Variants in KDELR2 observed in about 807,000 individuals in gnomAD.
KDELR2 encodes KDEL endoplasmic reticulum protein retention receptor 2, also known as ER lumen protein-retaining receptor 2.
Under a neutral mutation model 23.9 loss-of-function variants are expected in KDELR2, and 15 were observed. The ratio of observed to expected loss-of-function variants is 0.63; its 90% CI spans 0.42 to 0.97. KDELR2 has a LOEUF of 0.97. KDELR2 is among the 50% of genes least tolerant of loss of function. KDELR2 has a pLI of 0.00. For synonymous variants in KDELR2, 119 were observed against 106.2 expected (o/e 1.12, Z -0.74); for missense variants, 272 against 254.6 (o/e 1.07, Z -0.46).
At chr7:6,464,337 G>A (rs1437547668) in intron 4 of KDELR2, among the ~76,000 whole-genome samples, 2 of 147,914 alleles carry the variant, frequency 1.4e-5, no homozygotes, top group Admixed American at 6.8e-5. Context: ...TGGCCAACAA[G>A]GTGAAACCCC....
chr7:6,475,857 A>T (rs1785738826), intron 1 of KDELR2, among the ~76,000 whole-genome samples: 1 of 152,238 alleles, frequency 6.6e-6, no homozygotes, highest in Admixed American at 6.5e-5. Flanking sequence ...TTAACAGAAA[A>T]GTCACTTCAC....
intron 4 of KDELR2, among the ~76,000 whole-genome samples, chr7:6,465,525 A>C (rs1207542790): frequency 6.6e-6 from 1 of 152,160 alleles, no homozygotes; most frequent in Non-Finnish European, 1.5e-5. Context: ...GCTTTCATCA[A>C]ATATTTGTAA....
At chr7:6,479,974 T>A (rs1260941828) in intron 1 of KDELR2, among the ~76,000 whole-genome samples, 1 of 152,198 alleles carries the variant, frequency 6.6e-6, no homozygotes, top group Admixed American at 6.5e-5. Context: ...TTACCCACTA[T>A]ATTACTCCAA....
At position 6,462,788 on chromosome 7, in the gene KDELR2, A is replaced by G. The variant is rs1207475559; in HGVS notation, c.*353T>C. On this transcript the variant is annotated 3_prime_UTR_variant, in exon 5 of 5. Coordinates refer to ENST00000258739, the MANE Select transcript of KDELR2 (RefSeq NM_006854.4). Reference sequence around the variant, plus strand: ...AATTTCATTGCAGACACAAAGACTTAAGAGTTTCAAAGAATTTTTTAAAAT... The same window carrying G: ...AATTTCATTGCAGACACAAAGACTTGAGAGTTTCAAAGAATTTTTTAAAAT... The G allele has an allele frequency of 3.8e-6, 2 of 528,700 alleles. No individual in the cohort carries two copies. Among genetic ancestry groups the G allele is most frequent in the African/African-American group, 1.9e-5 (1 of 51,696 alleles). 32.8% of individuals were successfully genotyped at this position (528,700 alleles called of 1,614,324 possible). A position where few individuals can be genotyped will look rare whatever the true frequency, so the allele number is the denominator to read the frequency against.
In KDELR2 at chr7:6,465,215, G is replaced by A. The variant is rs530830829; in HGVS notation, c.604+856C>T. ...TTTTTTTTTTGAGAGAGAGAGTCTC[G>A]CACTGTCACCCAGGCTGGAGTGCAG... On this transcript the variant is annotated intron_variant, in intron 4 of 4. Coordinates refer to ENST00000258739, the MANE Select transcript of KDELR2 (RefSeq NM_006854.4). Among the ~76,000 whole-genome samples, 31 of 140,582 alleles carry A rather than the reference G, an allele frequency of 2.2e-4. No individual in the cohort carries two copies. In the South Asian group the frequency reaches 6.8e-3, roughly 31 times the overall value. 92.2% of individuals were successfully genotyped at this position (140,582 alleles called of 152,430 possible).
At chr7:6,469,068 C>T (rs1785567157) in intron 3 of KDELR2, among the ~76,000 whole-genome samples, 1 of 151,922 alleles carries the variant, frequency 6.6e-6, no homozygotes, top group Admixed American at 6.6e-5. Flanking sequence ...TCTCCTGCCT[C>T]AGCCTCCCCA....
intron 1 of KDELR2, among the ~76,000 whole-genome samples, chr7:6,474,568 C>T (rs554428161): frequency 6.6e-6 from 1 of 152,262 alleles, no homozygotes; most frequent in African/African-American, 2.4e-5. Flanking sequence ...TCAAACGAAC[C>T]TTTTACTTCT....
intron 2 of KDELR2, among the ~76,000 whole-genome samples, chr7:6,471,356 A>G (rs1459961819): frequency 6.6e-6 from 1 of 151,322 alleles, no homozygotes; most frequent in Admixed American, 6.6e-5. Flanking sequence ...TAATTTTTAT[A>G]TTTGTAGTAG....
chr7:6,481,877 C>T (rs1279712031), intron 1 of KDELR2, among the ~76,000 whole-genome samples: 1 of 152,206 alleles, frequency 6.6e-6, no homozygotes, highest in Non-Finnish European at 1.5e-5. Flanking sequence ...AATTGTGCTT[C>T]AATCCTGGCT....
intron 1 of KDELR2, among the ~76,000 whole-genome samples, chr7:6,479,894 G>C (rs539710973): frequency 7.9e-4 from 120 of 152,376 alleles, no homozygotes; most frequent in African/African-American, 2.7e-3. Context: ...GCACTCAAAA[G>C]AGCACAGGCC....
At chr7:6,469,810 C>A (rs1436256153) in intron 2 of KDELR2, 56 bp from the exon 3 acceptor site, 1 of 1,450,176 alleles carries the variant, frequency 6.9e-7, no homozygotes, top group South Asian at 1.4e-5. Flanking sequence ...TTCCAGCACC[C>A]CCCAGCTTTT....
At chr7:6,474,052 AAAGTC>A (rs2115329931) in intron 2 of KDELR2, 127 bp downstream of exon 2, 1 of 587,150 alleles carries the variant, frequency 1.7e-6, no homozygotes, top group Non-Finnish European at 3.0e-6. Flanking sequence ...TGAAAGTTTT[AAAGTC>A]AAGAACAGCA....
chr7:6,466,438 G>T (rs1480700085), intron 3 of KDELR2, 115 bp from the exon 4 acceptor site: 1 of 1,313,698 alleles, frequency 7.6e-7, no homozygotes, highest in Non-Finnish European at 1.0e-6. Flanking sequence ...AGTGGGGCAT[G>T]TCGGCCCAAA....
rs1785411013 is a variant in KDELR2, at chr7:6,462,593, A to G, written c.*548T>C. The G allele has an allele frequency of 2.3e-5, 4 of 171,020 alleles. No individual in the cohort carries two copies. Among genetic ancestry groups the G allele is most frequent in the Admixed American group, 1.8e-4 (3 of 16,966 alleles). 10.6% of individuals were successfully genotyped at this position (171,020 alleles called of 1,614,324 possible). A position where few individuals can be genotyped will look rare whatever the true frequency, so the allele number is the denominator to read the frequency against. On this transcript the variant is annotated 3_prime_UTR_variant, in exon 5 of 5. Coordinates refer to ENST00000258739, the MANE Select transcript of KDELR2 (RefSeq NM_006854.4). The stretch of plus-strand genomic sequence containing the variant: ...CTTAAATGTAGTGTTGTGACATCCA[A>G]CGAAGGACTTCCACGTCACGTGGGA...
intron 2 of KDELR2, among the ~76,000 whole-genome samples, chr7:6,473,460 T>G (rs1456025422): frequency 1.3e-5 from 2 of 152,092 alleles, no homozygotes; most frequent in African/African-American, 2.4e-5. Flanking sequence ...CAGTGTGGGG[T>G]GTGTGCCACC....
chr7:6,469,450 T>C (rs1238953896), intron 3 of KDELR2, 146 bp downstream of exon 3: 1 of 670,494 alleles, frequency 1.5e-6, no homozygotes. Context: ...AGAGACGGTG[T>C]TGCACCATGT....
chr7:6,464,800 A>G lies in KDELR2; in HGVS notation c.604+1271T>C, dbSNP rs1216785854. ...CCCTAGGCTGGAGTGCAATGGCGTG[A>G]TATCAGCTCACTGCAACCTCTGCCT... On this transcript the variant is annotated intron_variant, in intron 4 of 4. Transcript: ENST00000258739. Among the ~76,000 whole-genome samples, 2 of 138,382 alleles carry G rather than the reference A, an allele frequency of 1.4e-5. 1 individual carries two copies. Among genetic ancestry groups the G allele is most frequent in the South Asian group, 4.5e-4 (2 of 4,454 alleles). The allele number at this position is 138,382 out of a possible 152,430, so 90.8% of individuals were successfully genotyped here. A position where few individuals can be genotyped will look rare whatever the true frequency, so the allele number is the denominator to read the frequency against.
intron 2 of KDELR2, among the ~76,000 whole-genome samples, chr7:6,472,571 T>A (rs754833688): frequency 1.3e-5 from 2 of 152,164 alleles, no homozygotes; most frequent in Non-Finnish European, 2.9e-5. Flanking sequence ...GTAAGCTCAT[T>A]ATTTCCTGAA....
At chr7:6,474,826 G>A (rs1290208077) in intron 1 of KDELR2, among the ~76,000 whole-genome samples, 1 of 152,112 alleles carries the variant, frequency 6.6e-6, no homozygotes, top group Non-Finnish European at 1.5e-5. Context: ...ACCACACCCA[G>A]CTAATTTTTA....
Sources: allele counts gnomAD v4.1 joint callset (sites outside exome capture counted in the v4.1 genomes callset), GRCh38; gene constraint gnomAD v4.1.1; transcripts MANE v1.5; gene names NCBI Gene and HGNC (gene_info 2026-07-23, HGNC 2026-07-21).